The following RELN variants were observed in gnomAD, a reference collection of about 807,000 sequenced individuals.
The protein encoded by RELN is reelin.
In RELN, 108 loss-of-function variants were observed where a neutral mutation model predicts 427.6. That is an observed-to-expected ratio of 0.25 (90% CI 0.22 to 0.30). RELN has a LOEUF of 0.30. Among genes scored for constraint, RELN ranks in the 10% least tolerant of loss-of-function variants. RELN has a pLI of 1.00. For synonymous variants in RELN, 1,524 were observed against 1,513.4 expected, an observed-to-expected ratio of 1.01 and a Z score of -0.16; for missense variants, 3,715 against 4,302.8, an observed-to-expected ratio of 0.86 and a Z score of 3.82.
chr7:103,876,352 G>A (rs76038341), intron 2 of RELN, among the ~76,000 whole-genome samples: 1 of 151,910 alleles, frequency 6.6e-6, no homozygotes, highest in South Asian at 2.1e-4. Context: ...GTAATTTGGG[G>A]GTTTATCATA....
At chr7:103,698,796 T>C (rs1198214836) in intron 9 of RELN, among the ~76,000 whole-genome samples, 1 of 152,142 alleles carries the variant, frequency 6.6e-6, no homozygotes, top group Admixed American at 6.6e-5. Flanking sequence ...GCTGCTAGAG[T>C]GAGCCACCGT....
intron 11 of RELN, among the ~76,000 whole-genome samples, chr7:103,675,584 A>G (rs1158507489): frequency 6.6e-6 from 1 of 152,214 alleles, no homozygotes; most frequent in Non-Finnish European, 1.5e-5. Context: ...TGCCAAGACA[A>G]TCCTAAGCCA....
intron 62 of RELN, 28 bp downstream of exon 62, chr7:103,483,625 A>G (rs1469032947): frequency 6.2e-7 from 1 of 1,605,750 alleles, no homozygotes; most frequent in Non-Finnish European, 8.5e-7. Flanking sequence ...TGTGCATGAG[A>G]CCATGCCTTT....
chr7:103,701,203 A>C (rs1484661058), intron 8 of RELN, among the ~76,000 whole-genome samples, 197 bp from the exon 9 acceptor site: 1 of 152,148 alleles, frequency 6.6e-6, no homozygotes, highest in African/African-American at 2.4e-5. Context: ...AGGAACCAGA[A>C]AAAAAGGTAA....
chr7:103,812,894 T>C (rs1180776724), intron 3 of RELN, among the ~76,000 whole-genome samples: 2 of 152,188 alleles, frequency 1.3e-5, no homozygotes, highest in Non-Finnish European at 2.9e-5. Flanking sequence ...TTATCTAATA[T>C]CAATGTTTAA....
At chr7:103,490,088 C>T (rs901532150) in intron 59 of RELN, among the ~76,000 whole-genome samples, 189 bp from the exon 60 acceptor site, 1 of 152,178 alleles carries the variant, frequency 6.6e-6, no homozygotes, top group African/African-American at 2.4e-5. Context: ...ACCCAAAATG[C>T]CATTCTGGAA....
intron 51 of RELN, among the ~76,000 whole-genome samples, chr7:103,505,815 C>CA (rs1829190052): frequency 6.6e-6 from 1 of 152,014 alleles, no homozygotes; most frequent in Non-Finnish European, 1.5e-5. Flanking sequence ...TGTTCTAACC[C>CA]AATGCAAGGA....
At chr7:103,591,048 AGG>A (rs1831405080) in intron 27 of RELN, among the ~76,000 whole-genome samples, 1 of 152,244 alleles carries the variant, frequency 6.6e-6, no homozygotes, top group South Asian at 2.1e-4. Flanking sequence ...GAATCAGTTT[AGG>A]CATTGGGTAT....
chr7:103,700,854 A>C, intron 9 of RELN, 56 bp downstream of exon 9: 1 of 1,042,074 alleles, frequency 9.6e-7, no homozygotes, highest in East Asian at 2.4e-5. Context: ...GGCATATAGG[A>C]GAGTAGAACT....
intron 22 of RELN, among the ~76,000 whole-genome samples, chr7:103,605,986 T>C (rs1831809590): frequency 6.6e-6 from 1 of 152,196 alleles, no homozygotes; most frequent in South Asian, 2.1e-4. Context: ...AATCAGTTTA[T>C]ATTTGTAAGC....
At chr7:103,725,168 C>A (rs1790174487) in intron 7 of RELN, among the ~76,000 whole-genome samples, 1 of 152,092 alleles carries the variant, frequency 6.6e-6, no homozygotes, top group South Asian at 2.1e-4. Flanking sequence ...TCATTCTGTA[C>A]TTTTTCTCTA....
chr7:103,795,226 A>G (rs1444682676), intron 3 of RELN, among the ~76,000 whole-genome samples: 1 of 152,220 alleles, frequency 6.6e-6, no homozygotes, highest in African/African-American at 2.4e-5. Context: ...TCTGCAGTAG[A>G]TATCTATATA....
At chr7:103,934,777 T>C (rs1316384206) in intron 1 of RELN, among the ~76,000 whole-genome samples, 1 of 152,170 alleles carries the variant, frequency 6.6e-6, no homozygotes, top group African/African-American at 2.4e-5. Flanking sequence ...ACTTCACTGA[T>C]GTTGGATTCC....
chr7:103,870,620 T>C (rs1328545093), intron 2 of RELN, among the ~76,000 whole-genome samples: 1 of 152,094 alleles, frequency 6.6e-6, no homozygotes, highest in African/African-American at 2.4e-5. Flanking sequence ...GGCCTTCTGG[T>C]ATCTCAGCTA....
Position 103,621,214 on chromosome 7 carries a change from T to G in RELN, c.2702+8726A>C, listed in dbSNP as rs1832210981. Among the ~76,000 whole-genome samples, 3 of 152,242 alleles carry G rather than the reference T, an allele frequency of 2.0e-5. No individual in the cohort carries two copies. The South Asian group carries it at 6.2e-4, about 31-fold the overall frequency. On this transcript the variant is annotated intron_variant, in intron 20 of 64. Transcript: ENST00000428762. ...TTTTAACATTGCCTTTAAATTTTAT[T>G]TGGCTACTAGTAATGCATTTAATAT...
At chr7:103,489,305 C>A (rs146883419) in intron 60 of RELN, among the ~76,000 whole-genome samples, 200 of 151,858 alleles carry the variant, frequency 1.3e-3, no homozygotes, top group Non-Finnish European at 2.4e-3. Context: ...GCAGCTGCTG[C>A]TGGAAGAGGC....
intron 34 of RELN, among the ~76,000 whole-genome samples, chr7:103,562,884 C>T (rs1830672314): frequency 6.6e-6 from 1 of 152,218 alleles, no homozygotes; most frequent in Non-Finnish European, 1.5e-5. Context: ...TGTCTGTCCT[C>T]TTTCCTGGCT....
At chr7:103,744,814 A>G (rs1407823866) in intron 6 of RELN, among the ~76,000 whole-genome samples, 1 of 152,230 alleles carries the variant, frequency 6.6e-6, no homozygotes, top group Non-Finnish European at 1.5e-5. Context: ...AGATGGATTC[A>G]CAGCCAAATT....
Position 103,589,722 on chromosome 7 carries a change from G to A in RELN, c.4019C>T (p.Pro1340Leu), listed in dbSNP as rs754927978. Reference protein sequence around the residue: ...SWFLVKEGCYPASAGKGCEGN... With the variant: ...SWFLVKEGCYLASAGKGCEGN... The stretch of plus-strand genomic sequence containing the variant: ...TTCGCATCCTTTGCCTGCAGAAGCC[G>A]GGTAACAGCCTTCTTTCACCAGAAA... The change falls in exon 28 of 65, where the codon CCG (proline) becomes CTG (leucine). Residue 1340 changes from proline (P) to leucine (L), a missense_variant. This residue lies in a region of RELN where 2,208 missense variants were observed against 2,361.7 expected (regional missense o/e 0.93). Transcript: ENST00000428762. The A allele has an allele frequency of 1.9e-5, 31 of 1,613,348 alleles. No individual in the cohort carries two copies. The highest frequency in any genetic ancestry group is 6.7e-5 in the East Asian group (3 of 44,880).
Sources: gnomAD v4.1 joint callset for allele counts (sites outside exome capture counted in the v4.1 genomes callset) on GRCh38, gnomAD v4.1.1 for gene constraint, gnomAD v4.1.1 regional missense constraint, MANE v1.5 for transcripts, NCBI Gene and HGNC (gene_info 2026-07-23, HGNC 2026-07-21) for gene names.